The following FAM117B variants were observed in gnomAD, a reference collection of about 807,000 sequenced individuals.
FAM117B encodes the protein protein FAM117B.
FAM117B carries 22 observed loss-of-function variants against 52.8 expected under a neutral mutation model. That is an observed-to-expected ratio of 0.42 (90% CI 0.30 to 0.59). The LOEUF (loss-of-function observed/expected upper bound fraction) is 0.59. FAM117B is among the 20% of genes least tolerant of loss of function. FAM117B has a pLI of 0.22. For synonymous variants in FAM117B, 309 were observed against 324.1 expected (o/e 0.95, Z 0.50); for missense variants, 678 against 802.6 (o/e 0.84, Z 1.88).
chr2:202,738,336 G>A (rs2105792092), intron 4 of FAM117B, among the ~76,000 whole-genome samples: 1 of 152,238 alleles, frequency 6.6e-6, no homozygotes, highest in East Asian at 1.9e-4. Context: ...ACAACTTTCA[G>A]TCTTGAATCA....
intron 1 of FAM117B, among the ~76,000 whole-genome samples, chr2:202,645,680 T>C (rs1469856242): frequency 6.6e-6 from 1 of 151,218 alleles, no homozygotes. Flanking sequence ...CTCGGCTCAC[T>C]GCAACCTCCG....
At chr2:202,746,948 GAA>G (rs113632968) in intron 4 of FAM117B, among the ~76,000 whole-genome samples, 1 of 143,648 alleles carries the variant, frequency 7.0e-6, no homozygotes, top group Non-Finnish European at 1.5e-5. Context: ...GCCACCACCG[GAA>G]AAAAAAACAA....
In FAM117B at chr2:202,721,628, A is replaced by G. The variant is rs574128796; in HGVS notation, c.754-3289A>G. On this transcript the variant is annotated intron_variant, in intron 2 of 7. Coordinates refer to ENST00000392238, the MANE Select transcript of FAM117B (RefSeq NM_173511.4). The stretch of plus-strand genomic sequence containing the variant: ...TAATTACCTTATAATTTTAGTATGT[A>G]GATGACATTATTCCTTTTTTTTTGA... 7.9e-4 allele frequency among the ~76,000 whole-genome samples: 120 copies of G among 152,236 alleles called. 1 individual carries two copies. The highest frequency in any genetic ancestry group is 2.8e-3 in the African/African-American group (115 of 41,554).
At chr2:202,664,475 T>G (rs949833833) in intron 1 of FAM117B, among the ~76,000 whole-genome samples, 1 of 152,228 alleles carries the variant, frequency 6.6e-6, no homozygotes, top group East Asian at 1.9e-4. Flanking sequence ...GCATTGGCCC[T>G]GGATACATGT....
At chr2:202,635,880 C>G (rs1326748203) in intron 1 of FAM117B, 92 bp downstream of exon 1, 2 of 1,222,542 alleles carry the variant, frequency 1.6e-6, no homozygotes, top group Non-Finnish European at 2.1e-6. Context: ...GCAGAGCTGC[C>G]GCGGAGCCCG....
At chr2:202,711,200 T>A (rs1690951998) in intron 2 of FAM117B, among the ~76,000 whole-genome samples, 1 of 152,182 alleles carries the variant, frequency 6.6e-6, no homozygotes, top group African/African-American at 2.4e-5. Context: ...TTCCTTTTTC[T>A]CCACATCCTT....
chr2:202,651,721 G>C (rs1689960908), intron 1 of FAM117B, among the ~76,000 whole-genome samples: 1 of 152,062 alleles, frequency 6.6e-6, no homozygotes, highest in African/African-American at 2.4e-5. Flanking sequence ...GGGATATAAT[G>C]GGCTATATTT....
intron 1 of FAM117B, among the ~76,000 whole-genome samples, chr2:202,668,527 CAAAAA>C (rs373784165): frequency 1.4e-5 from 1 of 71,684 alleles, no homozygotes; most frequent in Admixed American, 1.8e-4. Flanking sequence ...GACTCTCTCT[CAAAAA>C]AAAAAAAAAA....
intron 4 of FAM117B, among the ~76,000 whole-genome samples, chr2:202,754,888 C>CA (rs149747057): frequency 0.042 from 3,625 of 85,642 alleles, 356 homozygotes; most frequent in African/African-American, 0.16. Flanking sequence ...AGATTCGTCT[C>CA]AAAAAAAAAA....
chr2:202,694,482 C>T (rs1299584238), intron 1 of FAM117B, among the ~76,000 whole-genome samples: 5 of 151,996 alleles, frequency 3.3e-5, no homozygotes, highest in African/African-American at 9.7e-5. Context: ...TGAGCCACCA[C>T]GCCTGGCCAA....
intron 2 of FAM117B, among the ~76,000 whole-genome samples, chr2:202,696,804 G>A (rs781585378): frequency 8.5e-5 from 13 of 152,174 alleles, no homozygotes; most frequent in Non-Finnish European, 1.8e-4. Flanking sequence ...GATGGCTTAC[G>A]CCTATAGTGC....
chr2:202,674,903 C>T (rs924555102), intron 1 of FAM117B, among the ~76,000 whole-genome samples: 5 of 152,062 alleles, frequency 3.3e-5, no homozygotes, highest in African/African-American at 1.2e-4. Flanking sequence ...GTTTTTGTGG[C>T]ATGCTCTTTC....
At position 202,723,441 on chromosome 2, in the gene FAM117B, C is replaced by T. The variant is rs560703272; in HGVS notation, c.754-1476C>T. Among the ~76,000 whole-genome samples the T allele has an allele frequency of 6.8e-4, 104 of 152,250 alleles. 1 individual carries two copies. Among genetic ancestry groups the T allele is most frequent in the African/African-American group, 2.5e-3 (102 of 41,536 alleles). ...CCACTGGTACCAATTTTCTTTGTTACCATCTATTTTCTTCCAGATATAATT... is the reference window on the plus strand; with the variant it reads ...CCACTGGTACCAATTTTCTTTGTTATCATCTATTTTCTTCCAGATATAATT... On this transcript the variant is annotated intron_variant, in intron 2 of 7. Coordinates refer to ENST00000392238, the MANE Select transcript of FAM117B (RefSeq NM_173511.4).
At chr2:202,659,212 C>T (rs1358965129) in intron 1 of FAM117B, among the ~76,000 whole-genome samples, 2 of 151,894 alleles carry the variant, frequency 1.3e-5, no homozygotes, top group Non-Finnish European at 1.5e-5. Flanking sequence ...CACTATGTTG[C>T]CCAGGCTGGT....
chr2:202,635,709 C>T lies in FAM117B; in HGVS notation c.522C>T (p.Val174=). The change falls in exon 1 of 8, where the codon GTC becomes GTT. Residue 174 remains valine (V), a synonymous_variant. Transcript: ENST00000392238. ...EVSAAPPPAR[V]RHRRRSPEQS... The stretch of plus-strand genomic sequence containing the variant: ...GCGCGGCCCCACCCCCAGCCCGCGT[C>T]CGGCATCGGAGGAGGTCTCCGGAGC... 1 of 1,435,002 alleles carries T rather than the reference C, an allele frequency of 7.0e-7. No homozygotes were observed. Among genetic ancestry groups the T allele is most frequent in the Non-Finnish European group, 9.1e-7 (1 of 1,095,986 alleles). The allele number at this position is 1,435,002 out of a possible 1,614,324, so 88.9% of individuals were successfully genotyped here.
chr2:202,635,321 A>C lies in FAM117B; in HGVS notation c.134A>C (p.Gln45Pro). 1 of 1,412,520 alleles carries C rather than the reference A, an allele frequency of 7.1e-7. No individual in the cohort carries two copies. The highest frequency in any genetic ancestry group is 9.2e-7 in the Non-Finnish European group (1 of 1,083,262). 87.5% of individuals were successfully genotyped at this position (1,412,520 alleles called of 1,614,324 possible). Residue 45 changes from glutamine to proline, a missense_variant, in exon 1 of 8, where the codon CAG (glutamine) becomes CCG (proline). Around this residue, in one of 3 missense-constraint regions of FAM117B, gnomAD observed 583 missense variants for 644.8 expected, o/e 0.90. Transcript: ENST00000392238. ...MRATVPFQLKQQQQQQHGSPT... is the reference protein window; with the variant it reads ...MRATVPFQLKPQQQQQHGSPT... ...GCGACGGTTCCGTTCCAGCTGAAGC[A>C]GCAGCAGCAGCAGCAACATGGCAGC... is the stretch of plus-strand genomic sequence containing the variant.
chr2:202,654,810 G>A (rs1690027502), intron 1 of FAM117B, among the ~76,000 whole-genome samples: 1 of 151,836 alleles, frequency 6.6e-6, no homozygotes, highest in Admixed American at 6.6e-5. Context: ...TTATAAATAA[G>A]ATTGAATACT....
chr2:202,683,074 T>C (rs1049163459), intron 1 of FAM117B, among the ~76,000 whole-genome samples: 1 of 152,200 alleles, frequency 6.6e-6, no homozygotes, highest in African/African-American at 2.4e-5. Flanking sequence ...ATGCCTATAA[T>C]CCTAGCACTT....
intron 2 of FAM117B, among the ~76,000 whole-genome samples, chr2:202,704,564 T>C (rs16839295): frequency 0.038 from 5,854 of 152,234 alleles, 387 homozygotes; most frequent in African/African-American, 0.13. Context: ...GATGTAGACT[T>C]TTGGCAAATT....
Sources: gnomAD v4.1 joint callset for allele counts (sites outside exome capture counted in the v4.1 genomes callset) on GRCh38, gnomAD v4.1.1 for gene constraint, gnomAD v4.1.1 regional missense constraint, MANE v1.5 for transcripts, NCBI Gene and HGNC (gene_info 2026-07-23, HGNC 2026-07-21) for gene names.